The following SEMA6B variants were observed in gnomAD, a reference collection of about 807,000 sequenced individuals.
SEMA6B encodes semaphorin-6B.
In SEMA6B, 47 loss-of-function variants were observed where a neutral mutation model predicts 78.6. That is an observed-to-expected ratio of 0.60 (90% CI 0.47 to 0.76). SEMA6B has a LOEUF of 0.76. Among genes scored for constraint, SEMA6B ranks in the 30% least tolerant of loss-of-function variants. SEMA6B has a pLI of 0.00. For missense variants in SEMA6B, 1,213 were observed against 1,269.9 expected, an observed-to-expected ratio of 0.96 and a Z score of 0.68; for synonymous variants, 632 against 592.2, an observed-to-expected ratio of 1.07 and a Z score of -0.98.
rs745559020 is a variant in SEMA6B, at chr19:4,550,255, G to A, written c.1139C>T (p.Ala380Val). The A allele has an allele frequency of 1.5e-5, 25 of 1,613,398 alleles. No homozygotes were observed. Among genetic ancestry groups the A allele is most frequent in the Non-Finnish European group, 2.1e-5 (25 of 1,179,942 alleles). Residue 380 changes from alanine to valine, a missense_variant, in exon 12 of 17, where the codon GCC becomes GTC. Transcript: ENST00000586582. The surrounding 1 kb of genome is among the most constrained non-coding windows in gnomAD (Gnocchi z 6.6). ...GGAGGCATTGTACTGCATCCCGGGG[G>A]CTGCGCAGCACCCGGGCCTGGGGGT... ...VPRPRPGCCAAPGMQYNASSA... is the reference protein window; with the variant it reads ...VPRPRPGCCAVPGMQYNASSA...
chr19:4,544,086 G>C lies in SEMA6B; in HGVS notation c.2182C>G (p.His728Asp), dbSNP rs901013700. The change falls in exon 17 of 17, where the codon CAC (histidine) becomes GAC (aspartate). Residue 728 changes from histidine (H) to aspartate (D), a missense_variant. Transcript: ENST00000586582. The surrounding 1 kb of genome is among the most constrained non-coding windows in gnomAD (Gnocchi z 5.1). ...KRLPTPHPHP[H>D]ALGPRAWDHG... ...TCCCAGGCGCGGGGGCCCAGGGCGTGGGGGTGCGGGTGCGGAGTGGGCAGG... is the reference window on the plus strand; with the variant it reads ...TCCCAGGCGCGGGGGCCCAGGGCGTCGGGGTGCGGGTGCGGAGTGGGCAGG... 1.3e-5 allele frequency: 16 copies of C among 1,253,538 alleles called. No individual in the cohort carries two copies. Among genetic ancestry groups the C allele is most frequent in the Non-Finnish European group, 1.4e-5 (14 of 999,798 alleles). 77.7% of individuals were successfully genotyped at this position (1,253,538 alleles called of 1,614,324 possible).
In SEMA6B at chr19:4,550,583, C is replaced by G. The variant is rs1977302329; in HGVS notation, c.1121+216G>C. Among the ~76,000 whole-genome samples, 1 of 152,170 alleles carries G rather than the reference C, an allele frequency of 6.6e-6. No individual in the cohort carries two copies. Among genetic ancestry groups the G allele is most frequent in the Non-Finnish European group, 1.5e-5 (1 of 68,034 alleles). On this transcript the variant is annotated intron_variant, in intron 11 of 16. Transcript: ENST00000586582. The surrounding 1 kb of genome is among the most constrained non-coding windows in gnomAD (Gnocchi z 6.6). The stretch of plus-strand genomic sequence containing the variant: ...TTCGCCATGTTGGTCGGGCTGGTCT[C>G]AAACCCTCGACCTCAGGTGATCTGC...
chr19:4,551,457 T>A (rs1977330054), intron 10 of SEMA6B, among the ~76,000 whole-genome samples: 1 of 151,796 alleles, frequency 6.6e-6, no homozygotes, highest in African/African-American at 2.4e-5. Context: ...TGACCTCAAG[T>A]GATCTGCCCT....
chr19:4,552,500 A>T lies in SEMA6B; in HGVS notation c.911T>A (p.Val304Glu), dbSNP rs770191789. The change falls in exon 10 of 17, where the codon GTG becomes GAG. Residue 304 changes from valine (V) to glutamate (E), a missense_variant. Physicochemically the swap from Val to Glu is moderately radical, Grantham distance 121. Transcript: ENST00000586582. This position sits in a 1 kb window ranked among gnomAD's most constrained non-coding sequence, Gnocchi z 7.4. ...VPGDSHFYFN[V>E]LQAVTGVVSL... is the part of the protein sequence containing the mutation. ...GACCACGCCCGTGACAGCCTGCAGC[A>T]CGTTGAAGTAGAAATGGGAGTCTCC... The T allele has an allele frequency of 2.5e-6, 4 of 1,612,466 alleles. No homozygotes were observed. Among genetic ancestry groups the T allele is most frequent in the Non-Finnish European group, 3.4e-6 (4 of 1,179,856 alleles).
In SEMA6B at chr19:4,542,823, C is replaced by T. The variant is rs983519337; in HGVS notation, c.*778G>A. 7 of 701,676 alleles carry T rather than the reference C, an allele frequency of 1.0e-5. No homozygotes were observed. Among genetic ancestry groups the T allele is most frequent in the Non-Finnish European group, 1.3e-5 (5 of 384,778 alleles). The allele number at this position is 701,676 out of a possible 1,614,324, so 43.5% of individuals were successfully genotyped here. A position where few individuals can be genotyped will look rare whatever the true frequency, so the allele number is the denominator to read the frequency against. Reference sequence around the variant, plus strand: ...GGCCCCCAAGCCCTTTAGACAGCTGCTGCCGATGTGACTTCCGGGCAGGCC... The same window carrying T: ...GGCCCCCAAGCCCTTTAGACAGCTGTTGCCGATGTGACTTCCGGGCAGGCC... On this transcript the variant is annotated 3_prime_UTR_variant, in exon 17 of 17. Transcript: ENST00000586582.
At position 4,544,426 on chromosome 19, in the gene SEMA6B, G is replaced by A. The variant is rs781312157; in HGVS notation, c.1842C>T (p.Ser614=). 5 of 1,603,012 alleles carry A rather than the reference G, an allele frequency of 3.1e-6. No individual in the cohort carries two copies. The highest frequency in any genetic ancestry group is 2.2e-5 in the South Asian group (2 of 89,990). The change falls in exon 17 of 17, where the codon TCC becomes TCT. Residue 614 remains serine, a synonymous_variant. Coordinates refer to ENST00000586582, the MANE Select transcript of SEMA6B (RefSeq NM_032108.4). This position sits in a 1 kb window ranked among gnomAD's most constrained non-coding sequence, Gnocchi z 5.1. ...VAAFVVGAVV[S]GFSVGWFVGL... ...CCACGAACCAGCCCACGCTGAAGCC[G>A]GACACCACGGCTCCCACCACGAAGG...
In SEMA6B at chr19:4,558,259, TG is replaced by T; in HGVS notation, c.121+77del. On this transcript the variant is annotated intron_variant, in intron 2 of 16. Transcript: ENST00000586582. The surrounding 1 kb of genome is among the most constrained non-coding windows in gnomAD (Gnocchi z 5.1). ...CTCCTGGACTGCTTGAGTCCCCCAG[TG>T]GGGGCAGCAGACCCAACTGGGAACC... is the stretch of plus-strand genomic sequence containing the variant. The T allele has an allele frequency of 1.5e-6, 2 of 1,302,494 alleles. No individual in the cohort carries two copies. The highest frequency in any genetic ancestry group is 2.7e-5 in the South Asian group (1 of 37,258). The allele number at this position is 1,302,494 out of a possible 1,614,324, so 80.7% of individuals were successfully genotyped here. A position where few individuals can be genotyped will look rare whatever the true frequency, so the allele number is the denominator to read the frequency against.
At position 4,555,278 on chromosome 19, in the gene SEMA6B, G is replaced by A. The variant is rs990270744; in HGVS notation, c.563-183C>T. Among the ~76,000 whole-genome samples, 3 of 152,072 alleles carry A rather than the reference G, an allele frequency of 2.0e-5. No individual in the cohort carries two copies. Among genetic ancestry groups the A allele is most frequent in the African/African-American group, 7.2e-5 (3 of 41,410 alleles). On this transcript the variant is annotated intron_variant, in intron 7 of 16. Coordinates refer to ENST00000586582, the MANE Select transcript of SEMA6B (RefSeq NM_032108.4). The surrounding 1 kb of genome is among the most constrained non-coding windows in gnomAD (Gnocchi z 6.1). ...AAGCCCTGACCTTAACTGAGCCCCT[G>A]ACCCCGGCTAAGCCCCAAATCCCGC... is the stretch of plus-strand genomic sequence containing the variant.
In SEMA6B at chr19:4,552,605, T is replaced by C; in HGVS notation, c.806A>G (p.Asn269Ser). The C allele has an allele frequency of 6.2e-7, 1 of 1,611,812 alleles. No homozygotes were observed. The highest frequency in any genetic ancestry group is 1.1e-5 in the South Asian group (1 of 91,008). Residue 269 changes from asparagine (N) to serine (S), a missense_variant, in exon 10 of 17, where the codon AAC (asparagine) becomes AGC (serine). Coordinates refer to ENST00000586582, the MANE Select transcript of SEMA6B (RefSeq NM_032108.4). This position sits in a 1 kb window ranked among gnomAD's most constrained non-coding sequence, Gnocchi z 7.4. ...CACGCGGGGGGAGCCTCCCACGTCG[T>C]TCTTGCACACTCGGGCCACGCGGGA... Reference protein sequence around the residue: ...VVSRVARVCKNDVGGSPRVLE... With the variant: ...VVSRVARVCKSDVGGSPRVLE...
chr19:4,555,459 T>TG lies in SEMA6B; in HGVS notation c.562+14dup, dbSNP rs375890005. The TG allele has an allele frequency of 7.6e-4, 1,219 of 1,604,366 alleles. 8 individuals carry two copies. In the African/African-American group the frequency reaches 0.014, roughly 18 times the overall value. On this transcript the variant is annotated intron_variant, in intron 7 of 16. Coordinates refer to ENST00000586582, the MANE Select transcript of SEMA6B (RefSeq NM_032108.4). The surrounding 1 kb of genome is among the most constrained non-coding windows in gnomAD (Gnocchi z 6.1). The stretch of plus-strand genomic sequence containing the variant: ...TGGCTGGGGCTGATCAGATGGAGGT[T>TG]GGGGGGGTACTTACCAGAGAAGAGG...
rs1159209671 is a variant in SEMA6B, at chr19:4,550,410, T to A, written c.1122-138A>T. ...TTGTTTTTGAGACAGAGTCTCAATC[T>A]GTCGCCCAGGCTGGAGTGCTTTGGC... is the stretch of plus-strand genomic sequence containing the variant. On this transcript the variant is annotated intron_variant, in intron 11 of 16. Coordinates refer to ENST00000586582, the MANE Select transcript of SEMA6B (RefSeq NM_032108.4). The surrounding 1 kb of genome is among the most constrained non-coding windows in gnomAD (Gnocchi z 6.6). The A allele has an allele frequency of 4.2e-6, 4 of 944,798 alleles. No individual in the cohort carries two copies. In the East Asian group the frequency reaches 1.0e-4, roughly 25 times the overall value. 58.5% of individuals were successfully genotyped at this position (944,798 alleles called of 1,614,324 possible).
rs1337407473 is a variant in SEMA6B at position 4,552,803 on chromosome 19, C to T, written c.772-164G>A. 6.6e-6 allele frequency among the ~76,000 whole-genome samples: 1 copy of T among 152,204 alleles called. No homozygotes were observed. Among genetic ancestry groups the T allele is most frequent in the African/African-American group, 2.4e-5 (1 of 41,446 alleles). On this transcript the variant is annotated intron_variant, in intron 9 of 16. Transcript: ENST00000586582. This position sits in a 1 kb window ranked among gnomAD's most constrained non-coding sequence, Gnocchi z 7.4. ...CCTCTCTGGGCACCGGCTTCCCTGGCAGAAATTCCCGGTGGGAATGTCAAT... is the reference window on the plus strand; with the variant it reads ...CCTCTCTGGGCACCGGCTTCCCTGGTAGAAATTCCCGGTGGGAATGTCAAT...
At chr19:4,547,525 G>T (rs1485092916) in intron 14 of SEMA6B, among the ~76,000 whole-genome samples, 1 of 152,186 alleles carries the variant, frequency 6.6e-6, no homozygotes, top group African/African-American at 2.4e-5. Flanking sequence ...GTGCAGGCGT[G>T]TGCCAGCACT....
chr19:4,553,633 T>C (rs1202437873), intron 9 of SEMA6B, among the ~76,000 whole-genome samples: 1 of 146,832 alleles, frequency 6.8e-6, no homozygotes, highest in Non-Finnish European at 1.5e-5. Flanking sequence ...GAAGGATGGA[T>C]GGATGGGTGG....
Position 4,548,162 on chromosome 19 carries a change from G to A in SEMA6B, c.1466C>T (p.Pro489Leu). The change falls in exon 14 of 17, where the codon CCC becomes CTC. Residue 489 changes from proline (P) to leucine (L), a missense_variant. By Grantham distance (98) the Pro-to-Leu change is moderately conservative. Coordinates refer to ENST00000586582, the MANE Select transcript of SEMA6B (RefSeq NM_032108.4). ...ETYRPDRCGR[P>L]GGGETGQRLL... ...CCGCTGCCCTGTCTCGCCACCGCCG[G>A]GCCGTCCACACCTGGGGACAAGCAG... The A allele has an allele frequency of 6.3e-7, 1 of 1,592,498 alleles. No individual in the cohort carries two copies. The highest frequency in any genetic ancestry group is 8.6e-7 in the Non-Finnish European group (1 of 1,167,420).
rs1977069114 is a variant in SEMA6B, at chr19:4,543,338, G to A, written c.*263C>T. 1 of 455,170 alleles carries A rather than the reference G, an allele frequency of 2.2e-6. No individual in the cohort carries two copies. The allele number at this position is 455,170 out of a possible 1,614,324, so 28.2% of individuals were successfully genotyped here. On this transcript the variant is annotated 3_prime_UTR_variant, in exon 17 of 17. Coordinates refer to ENST00000586582, the MANE Select transcript of SEMA6B (RefSeq NM_032108.4). ...AACTGCAAAAAAAACCAAAACCTAC[G>A]CGCATAAGGTCAACCTCAAATCCAT...
chr19:4,545,832 C>T (rs752548420), intron 16 of SEMA6B: 42 of 166,654 alleles, frequency 2.5e-4, no homozygotes, highest in African/African-American at 7.2e-4. Flanking sequence ...AGTGCAGTGG[C>T]GTGATCTTGG....
At position 4,542,884 on chromosome 19, in the gene SEMA6B, C is replaced by T; in HGVS notation, c.*717G>A. 2 of 701,414 alleles carry T rather than the reference C, an allele frequency of 2.9e-6. No homozygotes were observed. Among genetic ancestry groups the T allele is most frequent in the South Asian group, 1.5e-5 (1 of 67,532 alleles). The allele number at this position is 701,414 out of a possible 1,614,324, so 43.4% of individuals were successfully genotyped here. Reference sequence around the variant, plus strand: ...CTCCTGCCTGAAACCCCGGCATTGTCCCCGCTTCCCTCTGCAGAGTGGGGG... The same window carrying T: ...CTCCTGCCTGAAACCCCGGCATTGTTCCCGCTTCCCTCTGCAGAGTGGGGG... On this transcript the variant is annotated 3_prime_UTR_variant, in exon 17 of 17. Coordinates refer to ENST00000586582, the MANE Select transcript of SEMA6B (RefSeq NM_032108.4).
chr19:4,556,140 G>A, intron 5 of SEMA6B, 51 bp from the exon 6 acceptor site: 1 of 1,314,014 alleles, frequency 7.6e-7, no homozygotes, highest in Non-Finnish European at 1.1e-6. Context: ...CGTGGTCATG[G>A]TGATGGGCGT....
Sources: gnomAD v4.1 joint callset for allele counts (sites outside exome capture counted in the v4.1 genomes callset) on GRCh38, gnomAD v4.1.1 for gene constraint, Gnocchi (gnomAD v3.1) non-coding constraint, MANE v1.5 for transcripts, NCBI Gene and HGNC (gene_info 2026-07-23, HGNC 2026-07-21) for gene names.